Variants in CACNA1A observed in about 807,000 individuals in gnomAD.
CACNA1A encodes the protein voltage-dependent P/Q-type calcium channel subunit alpha-1A.
A neutral mutation model predicts 262.4 loss-of-function variants in CACNA1A; 57 were observed. The observed-to-expected ratio is 0.22, with a 90% CI of 0.18 to 0.27. CACNA1A has a LOEUF of 0.27. Ranked by LOEUF, CACNA1A falls within the 10% of genes least tolerant of loss-of-function variation. The probability of loss-of-function intolerance (pLI) is 1.00; values close to 1 mark genes in which losing one functional copy is unlikely to be tolerated. For missense variants in CACNA1A, 2,526 were observed against 3,562.8 expected, an observed-to-expected ratio of 0.71 and a Z score of 7.41; for synonymous variants, 1,431 against 1,419.3, an observed-to-expected ratio of 1.01 and a Z score of -0.18.
intron 3 of CACNA1A, among the ~76,000 whole-genome samples, chr19:13,376,867 GAT>G (rs574203811): frequency 7.4e-4 from 105 of 142,246 alleles, no homozygotes; most frequent in South Asian, 3.7e-3. Context: ...TGTTATATGT[GAT>G]ATATATAACA....
At position 13,389,052 on chromosome 19, in the gene CACNA1A, G is replaced by A. The variant is rs184581036; in HGVS notation, c.540-17273C>T. 1.6e-4 allele frequency among the ~76,000 whole-genome samples: 25 copies of A among 152,128 alleles called. 1 individual carries two copies. Among genetic ancestry groups the A allele is most frequent in the East Asian group, 3.9e-4 (2 of 5,164 alleles). On this transcript the variant is annotated intron_variant, in intron 3 of 46. Transcript: ENST00000360228. ...CGAGTAGTTGGGATTACAGGCACCCGCCACCACGTCCAGCTAATTTTTGTA... is the reference window on the plus strand; with the variant it reads ...CGAGTAGTTGGGATTACAGGCACCCACCACCACGTCCAGCTAATTTTTGTA...
intron 1 of CACNA1A, among the ~76,000 whole-genome samples, chr19:13,472,942 C>A (rs889213469): frequency 1.2e-4 from 19 of 152,010 alleles, no homozygotes; most frequent in Admixed American, 1.2e-3. Flanking sequence ...CAAAATCCAT[C>A]GACAAAGATC....
At chr19:13,255,475 A>G (rs907542924) in intron 28 of CACNA1A, among the ~76,000 whole-genome samples, 2 of 152,066 alleles carry the variant, frequency 1.3e-5, no homozygotes, top group Non-Finnish European at 2.9e-5. Context: ...CCAACTGCCA[A>G]AACTTGCACT....
At chr19:13,319,883 A>G (rs1054230123) in intron 10 of CACNA1A, among the ~76,000 whole-genome samples, 1 of 152,196 alleles carries the variant, frequency 6.6e-6, no homozygotes, top group Non-Finnish European at 1.5e-5. Flanking sequence ...AGGGGGGTCT[A>G]GTAACCAGTG....
At chr19:13,226,173 G>A (rs2144602164) in intron 37 of CACNA1A, 1 of 150,206 alleles carries the variant, frequency 6.7e-6, no homozygotes, top group Non-Finnish European at 1.5e-5. Flanking sequence ...GACCAGGAGA[G>A]GAAGGGCTCG....
At chr19:13,495,709 G>C (rs941244120) in intron 1 of CACNA1A, among the ~76,000 whole-genome samples, 59 of 151,980 alleles carry the variant, frequency 3.9e-4, no homozygotes, top group African/African-American at 1.4e-3. Flanking sequence ...CACATAGACA[G>C]CTACCCTACC....
chr19:13,308,615 A>G lies in CACNA1A; in HGVS notation c.1669-87T>C. The G allele has an allele frequency of 1.4e-6, 1 of 706,928 alleles. No individual in the cohort carries two copies. The highest frequency in any genetic ancestry group is 2.4e-6 in the Non-Finnish European group (1 of 421,272). 43.8% of individuals were successfully genotyped at this position (706,928 alleles called of 1,614,324 possible). A position where few individuals can be genotyped will look rare whatever the true frequency, so the allele number is the denominator to read the frequency against. On this transcript the variant is annotated intron_variant, in intron 12 of 46. Transcript: ENST00000360228. The surrounding 1 kb of genome is among the most constrained non-coding windows in gnomAD (Gnocchi z 4.2). ...ATTTCCTAGGTACCAACCTTGCAAG[A>G]ACTCAACCAAACTCCTCCCTCCAAA...
intron 3 of CACNA1A, among the ~76,000 whole-genome samples, chr19:13,375,653 TG>T (rs2059392144): frequency 6.6e-6 from 1 of 152,100 alleles, no homozygotes. Flanking sequence ...CTGGGTGTGG[TG>T]GTGCACACCT....
At chr19:13,369,037 CAAAA>C (rs71170503) in intron 4 of CACNA1A, among the ~76,000 whole-genome samples, 1 of 48,786 alleles carries the variant, frequency 2.0e-5, no homozygotes, top group Non-Finnish European at 4.3e-5. Context: ...GACTCCGTCT[CAAAA>C]AAAAAAAAAA....
At chr19:13,262,405 G>A (rs72997768) in intron 25 of CACNA1A, 6,839 of 212,456 alleles carry the variant, frequency 0.032, 198 homozygotes, top group South Asian at 0.058. Flanking sequence ...AAAATTTTAT[G>A]GAACAAGAAA....
At chr19:13,336,919 A>C (rs944738302) in intron 6 of CACNA1A, among the ~76,000 whole-genome samples, 1 of 152,244 alleles carries the variant, frequency 6.6e-6, no homozygotes, top group Admixed American at 6.5e-5. Context: ...TCCAGCTGTC[A>C]GGGCAGGGGT....
intron 3 of CACNA1A, among the ~76,000 whole-genome samples, chr19:13,395,852 G>T (rs576434157): frequency 5.9e-5 from 9 of 152,196 alleles, no homozygotes; most frequent in Admixed American, 1.3e-4. Flanking sequence ...TCCAGAGAGG[G>T]TCTTGTCCCA....
intron 5 of CACNA1A, chr19:13,363,350 T>G (rs1205900308): frequency 1.3e-5 from 2 of 151,974 alleles, no homozygotes; most frequent in Non-Finnish European, 2.9e-5. Flanking sequence ...CATTTCCGCC[T>G]GGGTGACGAG....
At chr19:13,254,283 GT>G (rs941224736) in intron 29 of CACNA1A, among the ~76,000 whole-genome samples, 15 of 151,202 alleles carry the variant, frequency 9.9e-5, no homozygotes, top group African/African-American at 3.2e-4. Flanking sequence ...GGTTTTCAGA[GT>G]TTTTTTTTGG....
chr19:13,265,446 T>C (rs1173117429), intron 24 of CACNA1A, among the ~76,000 whole-genome samples: 1 of 152,250 alleles, frequency 6.6e-6, no homozygotes, highest in African/African-American at 2.4e-5. Flanking sequence ...AAGACGATAA[T>C]TGTATTTTAG....
chr19:13,370,591 ATTTT>A (rs35234045), intron 4 of CACNA1A, among the ~76,000 whole-genome samples: 3 of 139,746 alleles, frequency 2.1e-5, no homozygotes. Context: ...ATGCCTGCTA[ATTTT>A]TTTTTTTTTT....
At chr19:13,238,419 CTCCAGAAAAG>C (rs1242908433) in intron 31 of CACNA1A, among the ~76,000 whole-genome samples, 2 of 152,118 alleles carry the variant, frequency 1.3e-5, no homozygotes, top group Admixed American at 1.3e-4. Context: ...CACCTAAGGG[CTCCAGAAAAG>C]TCCTACTACT....
At position 13,238,742 on chromosome 19, in the gene CACNA1A, C is replaced by T. The variant is rs148605373; in HGVS notation, c.4951-3012G>A. On this transcript the variant is annotated intron_variant, in intron 31 of 46. Transcript: ENST00000360228. Reference sequence around the variant, plus strand: ...CTGGGATTACAGGCACCTGCCACCACGCCTGGCTAATTTTTGTATTTTTTA... The same window carrying T: ...CTGGGATTACAGGCACCTGCCACCATGCCTGGCTAATTTTTGTATTTTTTA... 5.0e-3 allele frequency among the ~76,000 whole-genome samples: 759 copies of T among 152,234 alleles called. 1 individual carries two copies. Among genetic ancestry groups the T allele is most frequent in the Middle Eastern group, 0.01 (3 of 294 alleles).
intron 3 of CACNA1A, among the ~76,000 whole-genome samples, chr19:13,429,985 T>C (rs1421384070): frequency 8.7e-5 from 1 of 11,430 alleles, no homozygotes; most frequent in Non-Finnish European, 1.7e-4. Context: ...TGGAGTAGGG[T>C]GGGGGGAGTG....
Sources: gnomAD v4.1 joint callset for allele counts (sites outside exome capture counted in the v4.1 genomes callset) on GRCh38, gnomAD v4.1.1 for gene constraint, Gnocchi (gnomAD v3.1) non-coding constraint, MANE v1.5 for transcripts, NCBI Gene and HGNC (gene_info 2026-07-23, HGNC 2026-07-21) for gene names.